The following USP28 variants were observed in gnomAD, a reference collection of about 807,000 sequenced individuals.
USP28 encodes ubiquitin specific peptidase 28.
Under a neutral mutation model 145.0 loss-of-function variants are expected in USP28, and 113 were observed. The ratio of observed to expected loss-of-function variants is 0.78; its 90% CI spans 0.67 to 0.91. The LOEUF (loss-of-function observed/expected upper bound fraction) is 0.91, where lower values mean the gene tolerates loss of function less well. Among genes scored for constraint, USP28 ranks in the 40% least tolerant of loss-of-function variants. The probability of loss-of-function intolerance (pLI) is 0.00; values close to 1 mark genes in which losing one functional copy is unlikely to be tolerated. For missense variants in USP28, 1,201 were observed against 1,289.6 expected, an observed-to-expected ratio of 0.93 and a Z score of 1.05; for synonymous variants, 447 against 450.9, an observed-to-expected ratio of 0.99 and a Z score of 0.11.
intron 21 of USP28, 46 bp from the exon 23 acceptor site, chr11:113,803,923 G>C (rs1220135843): frequency 2.0e-6 from 3 of 1,517,486 alleles, no homozygotes; most frequent in Non-Finnish European, 1.8e-6. Context: ...ATAATAGATT[G>C]TTAGTGTCCT....
Position 113,834,238 on chromosome 11 carries a change from C to T in USP28, c.621+11G>A. On this transcript the variant is annotated intron_variant, in intron 6 of 24. Coordinates refer to ENST00000003302, the Ensembl canonical transcript of USP28. ...AAACAACAGTGAAGAAATTCCTTGA[C>T]ACCAACTTACTGTATGACTTCGACA... 2.5e-6 allele frequency: 4 copies of T among 1,600,586 alleles called. No individual in the cohort carries two copies. Among genetic ancestry groups the T allele is most frequent in the East Asian group, 4.5e-5 (2 of 44,540 alleles).
chr11:113,841,062 A>G (rs1275236445), intron 4 of USP28, among the ~76,000 whole-genome samples: 1 of 152,222 alleles, frequency 6.6e-6, no homozygotes, highest in Non-Finnish European at 1.5e-5. Context: ...ACAGTGTACT[A>G]TCTAAGACCT....
At chr11:113,801,448 C>T in intron 24 of USP28, 35 bp downstream of exon 25, 1 of 1,477,488 alleles carries the variant, frequency 6.8e-7, no homozygotes, top group Non-Finnish European at 9.1e-7. Context: ...CTACAATTCT[C>T]AAAACCTCAG....
chr11:113,809,302 A>G (rs755012108), intron 16 of USP28, 48 bp from the exon 17 acceptor site: 1 of 1,543,664 alleles, frequency 6.5e-7, no homozygotes, highest in Admixed American at 1.9e-5. Context: ...GAACGAAAAC[A>G]TCCTTTTTAG....
chr11:113,830,391 G>A (rs1164445903), intron 9 of USP28, among the ~76,000 whole-genome samples: 1 of 152,108 alleles, frequency 6.6e-6, no homozygotes, highest in East Asian at 1.9e-4. Flanking sequence ...CATGGAGGTT[G>A]TAAAATTGCT....
intron 1 of USP28, among the ~76,000 whole-genome samples, chr11:113,871,704 A>G (rs1304205361): frequency 6.6e-6 from 1 of 152,230 alleles, no homozygotes; most frequent in Non-Finnish European, 1.5e-5. Flanking sequence ...GGAGAGGGGG[A>G]CAAAACAGAA....
At chr11:113,799,122 C>T in exon 25 of USP28, 1 of 1,152,680 alleles carries the variant, frequency 8.7e-7, no homozygotes, top group East Asian at 2.4e-5. Flanking sequence ...TGGTTGGGGT[C>T]TGATCGGAAT....
At position 113,813,877 on chromosome 11, in the gene USP28, C is replaced by T. The variant is rs1181713253; in HGVS notation, c.1743+8G>A. ...CCTTGACTACTTTCCCATCAATTTT[C>T]ATTCTACCTGACGAAGGAGAGGATC... On this transcript the variant is annotated splice_region_variant and intron_variant, in intron 15 of 24. Coordinates refer to ENST00000003302, the Ensembl canonical transcript of USP28. The T allele has an allele frequency of 6.2e-6, 10 of 1,609,412 alleles. No homozygotes were observed. The highest frequency in any genetic ancestry group is 8.5e-6 in the Non-Finnish European group (10 of 1,177,980).
intron 11 of USP28, among the ~76,000 whole-genome samples, chr11:113,826,524 C>G (rs1231877955): frequency 2.0e-5 from 3 of 151,368 alleles, no homozygotes; most frequent in Non-Finnish European, 4.4e-5. Flanking sequence ...CCAGGCTAGT[C>G]TTAAACTCCT....
At chr11:113,817,898 T>C in intron 12 of USP28, 61 bp from the exon 13 acceptor site, 1 of 1,558,816 alleles carries the variant, frequency 6.4e-7, no homozygotes, top group Non-Finnish European at 8.8e-7. Flanking sequence ...TAAGAGTCGC[T>C]GACAAAAGAT....
intron 14 of USP28, among the ~76,000 whole-genome samples, chr11:113,814,318 T>C (rs1164823063): frequency 4.6e-5 from 7 of 152,150 alleles, no homozygotes; most frequent in African/African-American, 1.7e-4. Flanking sequence ...AATAGGAATC[T>C]GGGAAGAATC....
At chr11:113,834,472 T>C (rs759099340) in intron 5 of USP28, 137 bp from the exon 6 acceptor site, 1 of 582,422 alleles carries the variant, frequency 1.7e-6, no homozygotes, top group African/African-American at 1.9e-5. Context: ...ACTTATGTTA[T>C]TTCTAAGGAA....
chr11:113,833,707 C>A, intron 6 of USP28, 150 bp from the exon 7 acceptor site: 1 of 682,060 alleles, frequency 1.5e-6, no homozygotes, highest in East Asian at 2.7e-5. Flanking sequence ...TACAGGGACT[C>A]TGGTAAGGAC....
chr11:113,824,591 T>C (rs563780908), intron 11 of USP28, among the ~76,000 whole-genome samples: 53 of 151,052 alleles, frequency 3.5e-4, no homozygotes, highest in African/African-American at 1.1e-3. Context: ...AGTGCTGGGA[T>C]TACAGGTGTG....
intron 17 of USP28, 127 bp downstream of exon 17, chr11:113,808,936 C>A: frequency 1.2e-6 from 1 of 866,366 alleles, no homozygotes. Context: ...ACCTGGCATA[C>A]CAACTGTATA....
At chr11:113,857,037 T>C (rs946721670) in intron 1 of USP28, among the ~76,000 whole-genome samples, 1 of 152,230 alleles carries the variant, frequency 6.6e-6, no homozygotes, top group African/African-American at 2.4e-5. Flanking sequence ...TGACTAAATC[T>C]AAGGTGCCAT....
intron 1 of USP28, among the ~76,000 whole-genome samples, chr11:113,868,293 C>T (rs1390481363): frequency 1.3e-5 from 2 of 152,166 alleles, no homozygotes; most frequent in Non-Finnish European, 2.9e-5. Context: ...AGTAAAAATA[C>T]TGATATCCTG....
Position 113,854,127 on chromosome 11 carries a change from G to T in USP28, c.135+131C>A, listed in dbSNP as rs1169160163. The T allele has an allele frequency of 2.8e-5, 22 of 781,018 alleles. 1 individual carries two copies. The highest frequency in any genetic ancestry group is 4.5e-5 in the Non-Finnish European group (22 of 486,602). 48.4% of individuals were successfully genotyped at this position (781,018 alleles called of 1,614,324 possible). A position where few individuals can be genotyped will look rare whatever the true frequency, so the allele number is the denominator to read the frequency against. ...TTTACATGTTGAAGACATTGGGTCA[G>T]TCATTTGACCTGTAGAGCTTCTGTC... On this transcript the variant is annotated intron_variant, in intron 2 of 24. Transcript: ENST00000003302.
chr11:113,807,852 G>T (rs571885133), intron 18 of USP28, 99 bp downstream of exon 19: 1 of 832,352 alleles, frequency 1.2e-6, no homozygotes, highest in Non-Finnish European at 1.4e-6. Flanking sequence ...TTTTTGCAAC[G>T]AGAAAATATC....
Sources: allele counts gnomAD v4.1 joint callset (sites outside exome capture counted in the v4.1 genomes callset), GRCh38; gene constraint gnomAD v4.1.1; transcripts MANE v1.5; gene names NCBI Gene and HGNC (gene_info 2026-07-23, HGNC 2026-07-21).